ACAD9: variants seen among roughly 807,000 people sequenced by gnomAD.
ACAD9 encodes the protein acyl-CoA dehydrogenase family member 9, also known as complex I assembly factor ACAD9, mitochondrial.
Under a neutral mutation model 70.2 loss-of-function variants are expected in ACAD9, and 53 were observed. That is an observed-to-expected ratio of 0.75 (90% CI 0.61 to 0.95). ACAD9 has a LOEUF of 0.95. ACAD9 is among the 40% of genes least tolerant of loss of function. The pLI is 0.00. For synonymous variants in ACAD9, 313 were observed against 312.1 expected, an observed-to-expected ratio of 1.00 and a Z score of -0.03; for missense variants, 777 against 802.8, an observed-to-expected ratio of 0.97 and a Z score of 0.39.
At chr3:128,884,989 C>T (rs900005385) in intron 2 of ACAD9, among the ~76,000 whole-genome samples, 22 of 152,316 alleles carry the variant, frequency 1.4e-4, no homozygotes, top group Non-Finnish European at 3.2e-4. Flanking sequence ...CAGGTCAACA[C>T]TTCCATAAAG....
Position 128,899,490 on chromosome 3 carries a change from T to A in ACAD9, c.808+29T>A, listed in dbSNP as rs759355370. 5.6e-5 allele frequency: 88 copies of A among 1,572,824 alleles called. No homozygotes were observed. In the African/African-American group the frequency reaches 8.3e-4, roughly 15 times the overall value. On this transcript the variant is annotated intron_variant, in intron 7 of 17. Coordinates refer to ENST00000308982, the MANE Select transcript of ACAD9 (RefSeq NM_014049.5). ...AGTAGCTCCTGTGCGCGCGTGCGCG[T>A]GTGTGTGTGTAAGGGGGAGACTGGC...
chr3:128,897,030 C>T (rs1348345282), intron 5 of ACAD9, among the ~76,000 whole-genome samples: 17 of 152,144 alleles, frequency 1.1e-4, no homozygotes, highest in Non-Finnish European at 4.4e-5. Context: ...CCTGGGGTGC[C>T]CAGAACTCAT....
In ACAD9 at chr3:128,899,474, TGTGCGCGC is replaced by T. The variant is rs759382603; in HGVS notation, c.808+21_808+28del. The T allele has an allele frequency of 6.2e-7, 1 of 1,613,430 alleles. No homozygotes were observed. The highest frequency in any genetic ancestry group is 1.7e-5 in the Admixed American group (1 of 59,982). The stretch of plus-strand genomic sequence containing the variant: ...CGGGGCTCCAACAGTAAGTAGCTCC[TGTGCGCGC>T]GTGCGCGTGTGTGTGTGTAAGGGGG... On this transcript the variant is annotated intron_variant, in intron 7 of 17. Coordinates refer to ENST00000308982, the MANE Select transcript of ACAD9 (RefSeq NM_014049.5).
intron 17 of ACAD9, among the ~76,000 whole-genome samples, chr3:128,911,223 A>AT (rs1936272311): frequency 6.6e-6 from 1 of 151,762 alleles, no homozygotes; most frequent in African/African-American, 2.4e-5. Context: ...CGCCCGGCTA[A>AT]TTTTTTGTAT....
At position 128,912,788 on chromosome 3, in the gene ACAD9, A is replaced by G. The variant is rs1936489982; in HGVS notation, c.*181A>G. 1.4e-6 allele frequency: 1 copy of G among 739,938 alleles called. No homozygotes were observed. The highest frequency in any genetic ancestry group is 2.5e-6 in the Non-Finnish European group (1 of 403,142). The allele number at this position is 739,938 out of a possible 1,614,324, so 45.8% of individuals were successfully genotyped here. On this transcript the variant is annotated 3_prime_UTR_variant, in exon 18 of 18. Coordinates refer to ENST00000308982, the MANE Select transcript of ACAD9 (RefSeq NM_014049.5). ...CTCTTCCAGGTTTTGACCTGCAGGC[A>G]GTGCTCTCTAACAGGACCATCACAG...
Position 128,879,812 on chromosome 3 carries a change from A to G in ACAD9, c.121A>G (p.Lys41Glu), listed in dbSNP as rs1316475552. 1 of 1,614,066 alleles carries G rather than the reference A, an allele frequency of 6.2e-7. No homozygotes were observed. The highest frequency in any genetic ancestry group is 2.2e-5 in the East Asian group (1 of 44,884). The change falls in exon 1 of 18, where the codon AAA becomes GAA. Residue 41 changes from lysine to glutamate, a missense_variant. Physicochemically the swap from Lys to Glu is moderately conservative, Grantham distance 56. Transcript: ENST00000308982. ...CAGCCCGCCTGTACGAGCTTTCGCC[A>G]AAGAGCTTTTCCTAGGCAAAATCAA... ...RTSPPVRAFA[K>E]ELFLGKIKKK...
chr3:128,883,926 T>G (rs905540079), intron 1 of ACAD9, among the ~76,000 whole-genome samples: 3 of 152,204 alleles, frequency 2.0e-5, no homozygotes, highest in Non-Finnish European at 1.5e-5. Flanking sequence ...CAGGTGATGC[T>G]TGGGCTTATA....
chr3:128,892,697 T>C (rs1441397914), intron 2 of ACAD9, among the ~76,000 whole-genome samples: 2 of 152,170 alleles, frequency 1.3e-5, no homozygotes, highest in Admixed American at 6.5e-5. Context: ...AATGAATGAA[T>C]TGGTGTTAAA....
At position 128,899,522 on chromosome 3, in the gene ACAD9, CGG is replaced by C. The variant is rs1491268582; in HGVS notation, c.808+62_808+63del. 2,843 of 1,143,322 alleles carry C rather than the reference CGG, an allele frequency of 2.5e-3. 14 individuals are homozygous for C. The highest frequency in any genetic ancestry group is 0.01 in the African/African-American group (446 of 43,330). 70.8% of individuals were successfully genotyped at this position (1,143,322 alleles called of 1,614,324 possible). The stretch of plus-strand genomic sequence containing the variant: ...GTGTAAGGGGGAGACTGGCCTTTGA[CGG>C]TGTGTGTGTGTGTGTGTGTGTGTGT... On this transcript the variant is annotated intron_variant, in intron 7 of 17. Coordinates refer to ENST00000308982, the MANE Select transcript of ACAD9 (RefSeq NM_014049.5).
chr3:128,902,460 G>A lies in ACAD9; in HGVS notation c.883-93G>A, dbSNP rs1407404268. On this transcript the variant is annotated intron_variant, in intron 8 of 17. Transcript: ENST00000308982. This position sits in a 1 kb window ranked among gnomAD's most constrained non-coding sequence, Gnocchi z 4.0. The stretch of plus-strand genomic sequence containing the variant: ...GGATGGTGCTTTCTCCCAGCTTGAG[G>A]GAAGGCAAGCTGATCCACCTGGCCT... The A allele has an allele frequency of 2.1e-5, 27 of 1,273,246 alleles. No homozygotes were observed. The highest frequency in any genetic ancestry group is 3.1e-5 in the Non-Finnish European group (27 of 870,582). 78.9% of individuals were successfully genotyped at this position (1,273,246 alleles called of 1,614,324 possible).
chr3:128,887,644 AATATATAT>A (rs71153150), intron 2 of ACAD9, among the ~76,000 whole-genome samples: 15 of 133,112 alleles, frequency 1.1e-4, no homozygotes, highest in Admixed American at 1.5e-4. Context: ...AAAATAAATA[AATATATAT>A]ATATATATAT....
At chr3:128,909,955 A>G (rs561041833) in intron 15 of ACAD9, 66 bp from the exon 16 acceptor site, 4 of 1,596,792 alleles carry the variant, frequency 2.5e-6, no homozygotes, top group Admixed American at 1.8e-5. Flanking sequence ...GATGCAGCCC[A>G]GGGAGGGACC....
Position 128,902,612 on chromosome 3 carries a change from G to C in ACAD9, c.942G>C (p.Leu314=). ...GCATGGGCAGCGTCGTGGCTGGGCT[G>C]CTCAAGAGATTGATTGGTAGGTAAG... ...RFSMGSVVAG[L]LKRLIEMTAE... is the part of the protein sequence containing the mutation. Residue 314 remains leucine (L), a synonymous_variant, in exon 9 of 18, where the codon CTG becomes CTC. Coordinates refer to ENST00000308982, the MANE Select transcript of ACAD9 (RefSeq NM_014049.5). The surrounding 1 kb of genome is among the most constrained non-coding windows in gnomAD (Gnocchi z 4.0). 1.2e-6 allele frequency: 2 copies of C among 1,614,166 alleles called. No homozygotes were observed. The highest frequency in any genetic ancestry group is 3.3e-5 in the Admixed American group (2 of 60,026).
rs1559825706 is a variant in ACAD9 at position 128,899,520 on chromosome 3, GACGGTGT to G, written c.808+60_808+66del. 40 of 1,546,268 alleles carry G rather than the reference GACGGTGT, an allele frequency of 2.6e-5. No individual in the cohort carries two copies. The African/African-American group carries it at 4.3e-4, about 16-fold the overall frequency. On this transcript the variant is annotated intron_variant, in intron 7 of 17. Coordinates refer to ENST00000308982, the MANE Select transcript of ACAD9 (RefSeq NM_014049.5). The stretch of plus-strand genomic sequence containing the variant: ...GTGTGTAAGGGGGAGACTGGCCTTT[GACGGTGT>G]GTGTGTGTGTGTGTGTGTGTGTGTG...
chr3:128,904,671 G>A (rs1346163806), intron 11 of ACAD9, among the ~76,000 whole-genome samples, 166 bp downstream of exon 11: 2 of 152,202 alleles, frequency 1.3e-5, no homozygotes, highest in Admixed American at 6.5e-5. Flanking sequence ...GGCAGGCAGC[G>A]GGGAGCAGCA....
At chr3:128,908,646 C>T (rs761065009) in intron 13 of ACAD9, 1 of 538,300 alleles carries the variant, frequency 1.9e-6, no homozygotes, top group Non-Finnish European at 3.4e-6. Context: ...CCCCTCCACC[C>T]CCACCCTAGG....
chr3:128,910,744 C>G lies in ACAD9; in HGVS notation c.1696C>G (p.Leu566Val). 1 of 1,614,230 alleles carries G rather than the reference C, an allele frequency of 6.2e-7. No homozygotes were observed. The highest frequency in any genetic ancestry group is 8.5e-7 in the Non-Finnish European group (1 of 1,180,038). The stretch of plus-strand genomic sequence containing the variant: ...TTTCTGTCCTCGGTTCTGGCAGGTT[C>G]TCTTGGCCAACACCTTCTGCGTGGA... ...IGLRNHDHEV[L>V]LANTFCVEAY... The change falls in exon 17 of 18, where the codon CTC becomes GTC. Residue 566 changes from leucine (L) to valine (V), a missense_variant. Leu to Val is a conservative substitution (Grantham distance 32). Transcript: ENST00000308982.
chr3:128,893,689 A>C (rs1559822630), intron 3 of ACAD9, 33 bp downstream of exon 3: 1 of 1,571,926 alleles, frequency 6.4e-7, no homozygotes, highest in Admixed American at 1.7e-5. Flanking sequence ...CAGCCAGTTT[A>C]GCTCTTAAGA....
At chr3:128,883,299 T>C (rs1483997562) in intron 1 of ACAD9, among the ~76,000 whole-genome samples, 1 of 151,980 alleles carries the variant, frequency 6.6e-6, no homozygotes, top group Non-Finnish European at 1.5e-5. Flanking sequence ...TGCGTCAGCT[T>C]CCCAAAGGAC....
Sources: allele counts gnomAD v4.1 joint callset (sites outside exome capture counted in the v4.1 genomes callset), GRCh38; gene constraint gnomAD v4.1.1; non-coding constraint Gnocchi (gnomAD v3.1); transcripts MANE v1.5; gene names NCBI Gene and HGNC (gene_info 2026-07-23, HGNC 2026-07-21).